NDE1: variants seen among roughly 807,000 people sequenced by gnomAD.
The protein encoded by NDE1 is nuclear distribution protein nudE homolog 1.
A neutral mutation model predicts 43.4 loss-of-function variants in NDE1; 28 were observed. The observed-to-expected ratio is 0.65, with a 90% CI of 0.48 to 0.89. The LOEUF is 0.89. Among genes scored for constraint, NDE1 ranks in the 40% least tolerant of loss-of-function variants. NDE1 has a pLI of 0.00. For missense variants in NDE1, 441 were observed against 434.1 expected (o/e 1.02, Z -0.14); for synonymous variants, 184 against 172.0 (o/e 1.07, Z -0.55).
chr16:15,665,852 G>A (rs2037275955), intron 2 of NDE1, among the ~76,000 whole-genome samples: 1 of 151,614 alleles, frequency 6.6e-6, no homozygotes, highest in South Asian at 2.1e-4. Flanking sequence ...CACCTCCTGG[G>A]TTCAATCGAT....
chr16:15,677,129 C>G (rs1351475297), intron 3 of NDE1, among the ~76,000 whole-genome samples: 2 of 152,258 alleles, frequency 1.3e-5, no homozygotes, highest in Non-Finnish European at 2.9e-5. Flanking sequence ...TTGAATGACA[C>G]CTGCCTGTTC....
At chr16:15,690,360 T>C (rs1324111118) in intron 5 of NDE1, among the ~76,000 whole-genome samples, 3 of 100,440 alleles carry the variant, frequency 3.0e-5, no homozygotes, top group African/African-American at 5.1e-5. Flanking sequence ...TTTCTTTTTT[T>C]TTTTTTTTTT....
intron 7 of NDE1, 86 bp from the exon 8 acceptor site, chr16:15,696,623 C>G: frequency 6.2e-7 from 1 of 1,608,346 alleles, no homozygotes; most frequent in Non-Finnish European, 8.5e-7. Context: ...GAACCACTGT[C>G]TGGGGTTCGT....
At chr16:15,665,600 C>T (rs1238863578) in intron 2 of NDE1, among the ~76,000 whole-genome samples, 2 of 151,696 alleles carry the variant, frequency 1.3e-5, no homozygotes, top group African/African-American at 2.4e-5. Context: ...CCCACCACCA[C>T]GCCTGGCTAA....
intron 1 of NDE1, among the ~76,000 whole-genome samples, chr16:15,652,428 C>T (rs545103984): frequency 6.6e-6 from 1 of 152,304 alleles, no homozygotes; most frequent in African/African-American, 2.4e-5. Flanking sequence ...ATGAGCATTC[C>T]TGTGTACAGA....
intron 8 of NDE1, chr16:15,708,922 G>A: frequency 7.3e-7 from 1 of 1,367,814 alleles, no homozygotes; most frequent in Non-Finnish European, 1.0e-6. Flanking sequence ...AATTGTTAAA[G>A]ACATTTGCTT....
At chr16:15,704,258 C>G (rs534318282) in intron 8 of NDE1, 1 of 948,652 alleles carries the variant, frequency 1.1e-6, no homozygotes, top group East Asian at 2.6e-5. Flanking sequence ...AAAACACACA[C>G]GGCACAAATA....
chr16:15,678,921 A>G (rs1170634129), intron 4 of NDE1, among the ~76,000 whole-genome samples: 2 of 151,764 alleles, frequency 1.3e-5, no homozygotes, highest in Non-Finnish European at 2.9e-5. Context: ...CTAAAAATAC[A>G]AAAAATTAGC....
In NDE1 at chr16:15,700,398, C is replaced by T. The variant is rs576822418; in HGVS notation, c.947+3538C>T. On this transcript the variant is annotated intron_variant, in intron 8 of 8. Transcript: ENST00000396354. ...TCAAGCATGAGCCATCGTTCCCATG[C>T]CCCATTGTGTTGCACTAACCCAAGC... 119 of 152,810 alleles carry T rather than the reference C, an allele frequency of 7.8e-4. 3 individuals are homozygous for T. In the South Asian group the frequency reaches 0.022, roughly 28 times the overall value. The allele number at this position is 152,810 out of a possible 1,614,324, so 9.5% of individuals were successfully genotyped here. A position where few individuals can be genotyped will look rare whatever the true frequency, so the allele number is the denominator to read the frequency against.
upstream of NDE1, among the ~76,000 whole-genome samples, chr16:15,647,834 C>T (rs1178336829): frequency 6.6e-6 from 1 of 151,754 alleles, no homozygotes; most frequent in African/African-American, 2.4e-5. Context: ...AGTTCAAGAC[C>T]AGCCTGGGCA....
intron 8 of NDE1, chr16:15,703,150 A>G (rs1596658919): frequency 5.3e-6 from 1 of 187,200 alleles, no homozygotes; most frequent in East Asian, 8.6e-5. Context: ...ATTTATAACC[A>G]TTTATTAGTG....
chr16:15,682,217 G>A (rs1294178824), intron 4 of NDE1, among the ~76,000 whole-genome samples: 2 of 152,032 alleles, frequency 1.3e-5, no homozygotes, highest in African/African-American at 2.4e-5. Context: ...TTTGAGACAA[G>A]GTCTCTCTCT....
At chr16:15,677,015 G>C (rs2037916802) in intron 3 of NDE1, among the ~76,000 whole-genome samples, 1 of 152,130 alleles carries the variant, frequency 6.6e-6, no homozygotes, top group Non-Finnish European at 1.5e-5. Context: ...GAATGATGGA[G>C]GCTATAGGAA....
At chr16:15,722,701 A>AAC (rs2040548318) in intron 8 of NDE1, among the ~76,000 whole-genome samples, 1 of 152,178 alleles carries the variant, frequency 6.6e-6, no homozygotes, top group African/African-American at 2.4e-5. Context: ...AGGGGTAGGG[A>AAC]ACCTGCAGGC....
chr16:15,676,113 C>G (rs918668345), intron 3 of NDE1, among the ~76,000 whole-genome samples: 3 of 151,848 alleles, frequency 2.0e-5, no homozygotes, highest in Non-Finnish European at 4.4e-5. Flanking sequence ...TTCCTTCCCT[C>G]TCCCTCCCTT....
intron 3 of NDE1, among the ~76,000 whole-genome samples, chr16:15,673,978 T>G (rs1299962795): frequency 6.6e-6 from 1 of 152,158 alleles, no homozygotes; most frequent in African/African-American, 2.4e-5. Context: ...TGCTACTGGT[T>G]GATTCTGGGC....
In NDE1 at chr16:15,716,082, CAG is replaced by C. The variant is rs1309971922; in HGVS notation, c.948-8106_948-8105del. Among the ~76,000 whole-genome samples, 8 of 152,206 alleles carry C rather than the reference CAG, an allele frequency of 5.3e-5. No individual in the cohort carries two copies. In the South Asian group the frequency reaches 1.2e-3, roughly 24 times the overall value. The stretch of plus-strand genomic sequence containing the variant: ...CACCACTGCACACCAGCCTGGGAAA[CAG>C]AGTGAGACTATGTCTCAAAAAAATA... On this transcript the variant is annotated intron_variant, in intron 8 of 8. Coordinates refer to ENST00000396354, the MANE Select transcript of NDE1 (RefSeq NM_017668.3).
At chr16:15,683,786 A>AG in intron 4 of NDE1, among the ~76,000 whole-genome samples, 1 of 152,248 alleles carries the variant, frequency 6.6e-6, no homozygotes, top group African/African-American at 2.4e-5. Flanking sequence ...GTACTTGGGG[A>AG]GGCTGAGGCT....
upstream of NDE1, chr16:15,650,091 C>G (rs1298344346): frequency 1.3e-5 from 2 of 152,806 alleles, no homozygotes; most frequent in African/African-American, 4.8e-5. Context: ...GGCCGCGCCG[C>G]GCCCGGCCTG....
Sources: allele counts gnomAD v4.1 joint callset (sites outside exome capture counted in the v4.1 genomes callset), GRCh38; gene constraint gnomAD v4.1.1; transcripts MANE v1.5; gene names NCBI Gene and HGNC (gene_info 2026-07-23, HGNC 2026-07-21).